Variants in TUSC3 observed in about 807,000 individuals in gnomAD.
TUSC3 encodes the protein tumor suppressor candidate 3, also known as dolichyl-diphosphooligosaccharide--protein glycosyltransferase subunit TUSC3.
A neutral mutation model predicts 44.8 loss-of-function variants in TUSC3; 45 were observed. The observed-to-expected ratio is 1.00, with a 90% CI of 0.79 to 1.29. The LOEUF is 1.29. Among genes scored for constraint, TUSC3 ranks in the 50% most tolerant of loss-of-function variants. The probability of loss-of-function intolerance (pLI) is 0.00; values close to 1 mark genes in which losing one functional copy is unlikely to be tolerated. For synonymous variants in TUSC3, 212 were observed against 152.9 expected, an observed-to-expected ratio of 1.39 and a Z score of -2.85; for missense variants, 519 against 437.9, an observed-to-expected ratio of 1.19 and a Z score of -1.65.
chr8:15,593,128 CAGGGTGG>C, intron 1 of TUSC3, among the ~76,000 whole-genome samples: 2 of 152,178 alleles, frequency 1.3e-5, no homozygotes, highest in Middle Eastern at 6.8e-3. Context: ...CTCTGTTGCC[CAGGGTGG>C]AGTGCAGTGG....
intron 2 of TUSC3, among the ~76,000 whole-genome samples, chr8:15,635,655 A>T (rs1255744623): frequency 6.6e-6 from 1 of 152,214 alleles, no homozygotes. Flanking sequence ...CCGACAAAAG[A>T]ACAAAGGCTC....
At chr8:15,626,076 A>G (rs1805496731) in intron 2 of TUSC3, among the ~76,000 whole-genome samples, 1 of 152,140 alleles carries the variant, frequency 6.6e-6, no homozygotes, top group Admixed American at 6.5e-5. Flanking sequence ...CAGGAGCAGC[A>G]GTGGCAGTGG....
At chr8:15,798,648 GT>G in the TUSC3 span, among the ~76,000 whole-genome samples, 2,741 of 135,408 alleles carry the variant, frequency 0.02, 94 homozygotes, top group African/African-American at 0.08. Context: ...TCCTGGGTGT[GT>G]GGGGGGGGTC....
At chr8:15,445,792 A>G (rs929529123) in intron 1 of TUSC3, among the ~76,000 whole-genome samples, 1 of 152,184 alleles carries the variant, frequency 6.6e-6, no homozygotes, top group Admixed American at 6.5e-5. Flanking sequence ...CGACAAAACC[A>G]CCATCGTCAT....
chr8:15,589,114 A>G (rs113234073), intron 1 of TUSC3, among the ~76,000 whole-genome samples: 18 of 152,294 alleles, frequency 1.2e-4, no homozygotes, highest in African/African-American at 4.3e-4. Flanking sequence ...TGTTTGTCAG[A>G]TACAAATATA....
chr8:15,799,908 C>T, the TUSC3 span, among the ~76,000 whole-genome samples: 2 of 152,134 alleles, frequency 1.3e-5, no homozygotes, highest in African/African-American at 4.8e-5. Context: ...ATGTTTGTGC[C>T]AGTTTCCTGA....
intron 1 of TUSC3, among the ~76,000 whole-genome samples, chr8:15,615,387 C>G (rs551249485): frequency 6.6e-6 from 1 of 152,090 alleles, no homozygotes; most frequent in Non-Finnish European, 1.5e-5. Flanking sequence ...TGTTCTCACT[C>G]ATATGGGAGT....
At chr8:15,806,792 G>A in the TUSC3 span, 466 of 820,498 alleles carry the variant, frequency 5.7e-4, 8 homozygotes, top group South Asian at 6.7e-3. Context: ...TTTTTCTAGC[G>A]GATTTGCAAT....
chr8:15,815,244 T>C, the TUSC3 span, among the ~76,000 whole-genome samples: 1 of 151,954 alleles, frequency 6.6e-6, no homozygotes, highest in African/African-American at 2.4e-5. Flanking sequence ...AGACTATTAA[T>C]AGAGAGATCG....
At chr8:15,834,318 C>G in the TUSC3 span, among the ~76,000 whole-genome samples, 1 of 152,102 alleles carries the variant, frequency 6.6e-6, no homozygotes, top group Non-Finnish European at 1.5e-5. Context: ...TCAGTACACT[C>G]TTTCTTTTTA....
rs114468896 is a variant in TUSC3, at chr8:15,444,641, C to G, written n.91+27336C>G. Among the ~76,000 whole-genome samples the G allele has an allele frequency of 7.0e-3, 1,064 of 152,230 alleles. 10 individuals are homozygous for G. The highest frequency in any genetic ancestry group is 0.024 in the African/African-American group (997 of 41,536). ...AGAGATGAACACAGAAGCCCCAAAT[C>G]AGAGCCCATTTTAGAAGAGTGTACA... On this transcript the variant is annotated intron_variant and non_coding_transcript_variant, in intron 1 of 5. Coordinates refer to the TUSC3 transcript ENST00000503191.
chr8:15,507,554 T>G (rs981764944), intron 2 of TUSC3, among the ~76,000 whole-genome samples: 1 of 152,136 alleles, frequency 6.6e-6, no homozygotes, highest in Non-Finnish European at 1.5e-5. Flanking sequence ...TTTTTTGAGT[T>G]TTATCAATTT....
At chr8:15,653,135 C>T (rs949198511) in intron 3 of TUSC3, among the ~76,000 whole-genome samples, 14 of 151,964 alleles carry the variant, frequency 9.2e-5, no homozygotes, top group African/African-American at 3.4e-4. Flanking sequence ...ACAAAATTGC[C>T]AGAACACCAT....
the TUSC3 span, among the ~76,000 whole-genome samples, chr8:15,774,002 A>G: frequency 1.3e-5 from 2 of 152,180 alleles, no homozygotes; most frequent in Non-Finnish European, 2.9e-5. Flanking sequence ...AGTTTCTTGG[A>G]TATGACTTCA....
chr8:15,493,538 C>T (rs1800838621), intron 2 of TUSC3, among the ~76,000 whole-genome samples: 1 of 152,154 alleles, frequency 6.6e-6, no homozygotes. Flanking sequence ...GCTGGGATTA[C>T]AGGTGTGAGC....
chr8:15,724,302 G>C (rs1810417163), intron 6 of TUSC3, among the ~76,000 whole-genome samples: 1 of 151,974 alleles, frequency 6.6e-6, no homozygotes, highest in Non-Finnish European at 1.5e-5. Flanking sequence ...TATTTTGTTA[G>C]GGCAACCAAG....
chr8:15,586,037 AG>A (rs1481903386), intron 1 of TUSC3, among the ~76,000 whole-genome samples: 23 of 152,320 alleles, frequency 1.5e-4, no homozygotes. Context: ...GGGAGTTATG[AG>A]GGGAACTAGG....
upstream of TUSC3, among the ~76,000 whole-genome samples, chr8:15,538,137 C>T (rs1801551056): frequency 6.6e-6 from 1 of 152,204 alleles, no homozygotes; most frequent in Non-Finnish European, 1.5e-5. Context: ...GACCTCCCAT[C>T]AGACCACAGC....
At chr8:15,644,645 G>T (rs1806543024) in intron 2 of TUSC3, among the ~76,000 whole-genome samples, 1 of 152,032 alleles carries the variant, frequency 6.6e-6, no homozygotes, top group African/African-American at 2.4e-5. Flanking sequence ...GCGCATAAGG[G>T]ATAATGGGGG....
Sources: gnomAD v4.1 joint callset for allele counts (sites outside exome capture counted in the v4.1 genomes callset) on GRCh38, gnomAD v4.1.1 for gene constraint, MANE v1.5 for transcripts, NCBI Gene and HGNC (gene_info 2026-07-23, HGNC 2026-07-21) for gene names.